Variants in SLC25A12 observed in about 807,000 individuals in gnomAD.
The protein encoded by SLC25A12 is electrogenic aspartate/glutamate antiporter SLC25A12, mitochondrial.
A neutral mutation model predicts 83.3 loss-of-function variants in SLC25A12; 32 were observed. The observed-to-expected ratio is 0.38, with a 90% CI of 0.29 to 0.52. SLC25A12 has a LOEUF of 0.52. SLC25A12 is among the 20% of genes least tolerant of loss of function. The pLI is 0.84. For synonymous variants in SLC25A12, 267 were observed against 291.1 expected (o/e 0.92, Z 0.84); for missense variants, 611 against 835.6 (o/e 0.73, Z 3.31).
chr2:171,824,898 G>C (rs935055226), intron 9 of SLC25A12, among the ~76,000 whole-genome samples: 6 of 151,792 alleles, frequency 4.0e-5, no homozygotes, highest in East Asian at 1.9e-4. Flanking sequence ...CAACTTCCTG[G>C]GCTCAGGTGA....
chr2:171,793,815 C>G lies in SLC25A12; in HGVS notation c.1306-48G>C, dbSNP rs548370539. On this transcript the variant is annotated intron_variant, in intron 13 of 17. Coordinates refer to ENST00000422440, the MANE Select transcript of SLC25A12 (RefSeq NM_003705.5). The stretch of plus-strand genomic sequence containing the variant: ...AGGCAGATTCCACATCAGAGCCCGA[C>G]TGGCAGCGTAAAAAAGGAAAATCCA... The G allele has an allele frequency of 3.7e-6, 6 of 1,612,276 alleles. No homozygotes were observed. In the South Asian group the frequency reaches 6.6e-5, roughly 18 times the overall value.
chr2:171,869,683 G>A (rs758732944), intron 2 of SLC25A12, among the ~76,000 whole-genome samples: 9 of 152,134 alleles, frequency 5.9e-5, no homozygotes, highest in Non-Finnish European at 1.0e-4. Context: ...TATACTATGG[G>A]ATGACCAAAC....
chr2:171,874,007 C>A (rs76353413), intron 2 of SLC25A12, among the ~76,000 whole-genome samples: 1 of 152,064 alleles, frequency 6.6e-6, no homozygotes, highest in Admixed American at 6.6e-5. Context: ...AGGGGGATCA[C>A]CTGAGGTCCG....
intron 4 of SLC25A12, among the ~76,000 whole-genome samples, chr2:171,847,830 T>G (rs969718843): frequency 6.6e-6 from 1 of 152,198 alleles, no homozygotes; most frequent in Non-Finnish European, 1.5e-5. Context: ...AAAAGGGAAC[T>G]GGGGCTAAAT....
At chr2:171,800,350 T>C (rs1032616037) in intron 13 of SLC25A12, among the ~76,000 whole-genome samples, 5 of 139,016 alleles carry the variant, frequency 3.6e-5, no homozygotes, top group South Asian at 2.3e-4. Context: ...CACACACACA[T>C]ATACGAATAG....
intron 13 of SLC25A12, among the ~76,000 whole-genome samples, chr2:171,802,507 T>C (rs1266984862): frequency 3.3e-5 from 5 of 152,264 alleles, no homozygotes; most frequent in Non-Finnish European, 4.4e-5. Flanking sequence ...CCAGGCACTG[T>C]GGCTCACACC....
intron 13 of SLC25A12, among the ~76,000 whole-genome samples, chr2:171,802,933 G>C (rs1440592464): frequency 6.6e-6 from 1 of 152,108 alleles, no homozygotes; most frequent in East Asian, 1.9e-4. Context: ...CAGGAAGTCA[G>C]AGTCAACAAA....
chr2:171,844,173 T>C (rs1177566499), intron 5 of SLC25A12, among the ~76,000 whole-genome samples, 196 bp downstream of exon 5: 1 of 152,208 alleles, frequency 6.6e-6, no homozygotes, highest in African/African-American at 2.4e-5. Context: ...CTTTACTATT[T>C]AAATAAATGG....
At chr2:171,854,065 T>C (rs1007698400) in intron 4 of SLC25A12, among the ~76,000 whole-genome samples, 1 of 152,216 alleles carries the variant, frequency 6.6e-6, no homozygotes, top group Non-Finnish European at 1.5e-5. Flanking sequence ...TTGTGAGATA[T>C]GTGAGCATGT....
intron 5 of SLC25A12, among the ~76,000 whole-genome samples, chr2:171,838,980 G>T (rs2105890610): frequency 6.6e-6 from 1 of 152,208 alleles, no homozygotes; most frequent in Middle Eastern, 3.4e-3. Flanking sequence ...ACTTAAAAAT[G>T]AGAAGTTAAA....
chr2:171,846,722 C>T (rs1481959940), intron 4 of SLC25A12, among the ~76,000 whole-genome samples: 1 of 152,134 alleles, frequency 6.6e-6, no homozygotes, highest in African/African-American at 2.4e-5. Flanking sequence ...AGGAGAATTG[C>T]TTGAACTCGG....
intron 2 of SLC25A12, among the ~76,000 whole-genome samples, chr2:171,870,056 A>G (rs1685426562): frequency 6.6e-6 from 1 of 152,188 alleles, no homozygotes; most frequent in Admixed American, 6.5e-5. Flanking sequence ...ATGTGTCACA[A>G]GGGAAAGAAT....
chr2:171,819,007 G>T (rs1239828836), intron 9 of SLC25A12, among the ~76,000 whole-genome samples: 1 of 149,646 alleles, frequency 6.7e-6, no homozygotes, highest in Non-Finnish European at 1.5e-5. Flanking sequence ...CAATAGTCTG[G>T]GATTTGAATT....
At chr2:171,840,048 A>T (rs1440549123) in intron 5 of SLC25A12, among the ~76,000 whole-genome samples, 2 of 152,172 alleles carry the variant, frequency 1.3e-5, no homozygotes, top group African/African-American at 4.8e-5. Flanking sequence ...TAGTAAACTG[A>T]AAGTCCTTCT....
rs1412447047 is a variant in SLC25A12, at chr2:171,840,947, T to C, written c.465+3422A>G. ...ATTAAATTAAGAATGAGAATGGCACTGTGGCAACACTGGAAACTAGAAAAC... is the reference window on the plus strand; with the variant it reads ...ATTAAATTAAGAATGAGAATGGCACCGTGGCAACACTGGAAACTAGAAAAC... On this transcript the variant is annotated intron_variant, in intron 5 of 17. Transcript: ENST00000422440. 1.4e-4 allele frequency among the ~76,000 whole-genome samples: 22 copies of C among 152,224 alleles called. 1 individual carries two copies. Among genetic ancestry groups the C allele is most frequent in the Admixed American group, 1.4e-3 (22 of 15,278 alleles).
At chr2:171,822,052 C>A (rs770311169) in intron 9 of SLC25A12, among the ~76,000 whole-genome samples, 5 of 151,880 alleles carry the variant, frequency 3.3e-5, no homozygotes, top group Non-Finnish European at 7.4e-5. Context: ...TAAAAACAGG[C>A]CTGGTAAAAT....
Position 171,787,678 on chromosome 2 carries a change from G to T in SLC25A12, c.1745-17C>A. 1 of 1,612,522 alleles carries T rather than the reference G, an allele frequency of 6.2e-7. No homozygotes were observed. Among genetic ancestry groups the T allele is most frequent in the Non-Finnish European group, 8.5e-7 (1 of 1,178,556 alleles). ...ACACTCGAGCTGAAAAAGAGAAGCAGGGGCAGGGGAGACTTGAAACCAGGA... is the reference window on the plus strand; with the variant it reads ...ACACTCGAGCTGAAAAAGAGAAGCATGGGCAGGGGAGACTTGAAACCAGGA... On this transcript the variant is annotated splice_polypyrimidine_tract_variant and intron_variant, in intron 16 of 17. Transcript: ENST00000422440.
At chr2:171,865,675 T>G (rs897292764) in intron 3 of SLC25A12, among the ~76,000 whole-genome samples, 4 of 151,064 alleles carry the variant, frequency 2.6e-5, no homozygotes, top group African/African-American at 7.3e-5. Flanking sequence ...AATATATATA[T>G]TATATACATA....
At chr2:171,807,625 T>G (rs1315274303) in intron 13 of SLC25A12, among the ~76,000 whole-genome samples, 1 of 152,184 alleles carries the variant, frequency 6.6e-6, no homozygotes, top group Non-Finnish European at 1.5e-5. Context: ...AACAGAAACT[T>G]AAAATGACCA....
Sources: allele counts gnomAD v4.1 joint callset (sites outside exome capture counted in the v4.1 genomes callset), GRCh38; gene constraint gnomAD v4.1.1; transcripts MANE v1.5; gene names NCBI Gene and HGNC (gene_info 2026-07-23, HGNC 2026-07-21).